Variants in CACNA2D1 observed in about 807,000 individuals in gnomAD.
CACNA2D1 encodes the protein calcium voltage-gated channel auxiliary subunit alpha2delta 1.
CACNA2D1 carries 53 observed loss-of-function variants against 171.5 expected under a neutral mutation model. The observed-to-expected ratio is 0.31, with a 90% CI of 0.25 to 0.39. The LOEUF is 0.39. CACNA2D1 is among the 10% of genes least tolerant of loss of function. CACNA2D1 has a pLI of 1.00. For missense variants in CACNA2D1, 903 were observed against 1,299.8 expected, an observed-to-expected ratio of 0.69 and a Z score of 4.69; for synonymous variants, 442 against 443.1, an observed-to-expected ratio of 1.00 and a Z score of 0.03.
At chr7:82,240,252 A>G (rs1438113308) in intron 3 of CACNA2D1, among the ~76,000 whole-genome samples, 1 of 152,106 alleles carries the variant, frequency 6.6e-6, no homozygotes, top group East Asian at 1.9e-4. Flanking sequence ...TAAAAATAAC[A>G]CTACTGAACT....
chr7:82,010,407 T>TTATA (rs1389768306), intron 15 of CACNA2D1, among the ~76,000 whole-genome samples: 1 of 151,772 alleles, frequency 6.6e-6, no homozygotes, highest in Non-Finnish European at 1.5e-5. Flanking sequence ...CAGTTTCAGC[T>TTATA]TATAGCACAG....
At chr7:82,096,373 C>T (rs1684731321) in intron 6 of CACNA2D1, among the ~76,000 whole-genome samples, 1 of 152,094 alleles carries the variant, frequency 6.6e-6, no homozygotes, top group Non-Finnish European at 1.5e-5. Context: ...ACTTCTAACA[C>T]TTTACTGGAA....
intron 1 of CACNA2D1, among the ~76,000 whole-genome samples, chr7:82,387,477 A>C (rs1411611384): frequency 6.6e-6 from 1 of 152,214 alleles, no homozygotes; most frequent in Non-Finnish European, 1.5e-5. Flanking sequence ...CTGCTTTTGC[A>C]CTGCCAAATT....
intron 3 of CACNA2D1, among the ~76,000 whole-genome samples, chr7:82,199,650 T>C (rs1426916917): frequency 2.0e-5 from 3 of 152,098 alleles, no homozygotes; most frequent in Non-Finnish European, 2.9e-5. Context: ...TTGAGTTTTC[T>C]TCTTTGGCAG....
intron 1 of CACNA2D1, 144 bp from the exon 2 acceptor site, chr7:82,349,793 C>T: frequency 2.8e-6 from 2 of 719,436 alleles, no homozygotes; most frequent in South Asian, 1.5e-5. Flanking sequence ...TATGTCCACC[C>T]TTCCACTCCA....
intron 1 of CACNA2D1, among the ~76,000 whole-genome samples, chr7:82,422,583 G>C (rs745759716): frequency 6.6e-5 from 10 of 152,072 alleles, no homozygotes; most frequent in Non-Finnish European, 1.5e-4. Context: ...GACCCCTCAA[G>C]AGAGTCTTGA....
intron 21 of CACNA2D1, among the ~76,000 whole-genome samples, chr7:81,990,409 A>G (rs943882901): frequency 6.6e-6 from 1 of 152,094 alleles, no homozygotes; most frequent in Non-Finnish European, 1.5e-5. Flanking sequence ...ACAGTGAACT[A>G]TGTGAATGTA....
At chr7:82,082,830 A>G (rs1809965568) in intron 7 of CACNA2D1, among the ~76,000 whole-genome samples, 1 of 152,198 alleles carries the variant, frequency 6.6e-6, no homozygotes, top group South Asian at 2.1e-4. Context: ...AAAATATATG[A>G]TTAGCATCAA....
chr7:82,438,550 C>T (rs1298891451), intron 1 of CACNA2D1, among the ~76,000 whole-genome samples: 3 of 152,110 alleles, frequency 2.0e-5, no homozygotes, highest in Non-Finnish European at 2.9e-5. Flanking sequence ...ACTACGCAAT[C>T]GTTTACATGT....
chr7:82,350,250 T>G (rs1385675283), intron 1 of CACNA2D1, among the ~76,000 whole-genome samples: 1 of 152,248 alleles, frequency 6.6e-6, no homozygotes, highest in Non-Finnish European at 1.5e-5. Flanking sequence ...TATTCCATTA[T>G]CTCTATATTC....
chr7:82,368,947 A>G (rs1822046625), intron 1 of CACNA2D1, among the ~76,000 whole-genome samples: 1 of 152,142 alleles, frequency 6.6e-6, no homozygotes, highest in Non-Finnish European at 1.5e-5. Context: ...AGTTTGAAAT[A>G]TTTTTAAGTA....
At chr7:82,001,763 G>A in intron 18 of CACNA2D1, 1 of 704,526 alleles carries the variant, frequency 1.4e-6, no homozygotes. Flanking sequence ...TGTCAACATA[G>A]GTACGGGTTC....
At position 82,167,439 on chromosome 7, in the gene CACNA2D1, G is replaced by A. The variant is rs193213170; in HGVS notation, c.354+3111C>T. 4.0e-3 allele frequency among the ~76,000 whole-genome samples: 608 copies of A among 151,480 alleles called. 4 individuals carry two copies. Among genetic ancestry groups the A allele is most frequent in the South Asian group, 0.018 (87 of 4,802 alleles). ...CACTAAAGCACCACCTAGTTTATTA[G>A]GAACAAAAAAAAAGCTGAGAGGAAT... is the stretch of plus-strand genomic sequence containing the variant. On this transcript the variant is annotated intron_variant, in intron 4 of 38. Coordinates refer to ENST00000356860, the MANE Select transcript of CACNA2D1 (RefSeq NM_000722.4).
At chr7:82,060,201 T>TATATATATAATACATATATATTA (rs747843223) in intron 10 of CACNA2D1, among the ~76,000 whole-genome samples, 2 of 10,418 alleles carry the variant, frequency 1.9e-4, no homozygotes, top group Non-Finnish European at 5.2e-4. Context: ...TATATATATA[T>TATATATATAATACATATATATTA]TATATATATA....
intron 32 of CACNA2D1, among the ~76,000 whole-genome samples, chr7:81,964,786 G>A (rs964828056): frequency 6.6e-6 from 1 of 151,846 alleles, no homozygotes; most frequent in Non-Finnish European, 1.5e-5. Context: ...TTTGATGAGA[G>A]TAGATTTTAA....
In CACNA2D1 at chr7:82,031,082, A is replaced by G. The variant is rs111974694; in HGVS notation, c.1143+1715T>C. 8.5e-3 allele frequency among the ~76,000 whole-genome samples: 1,286 copies of G among 151,990 alleles called. 19 individuals carry two copies. The highest frequency in any genetic ancestry group is 0.03 in the African/African-American group (1,229 of 41,506). ...GATCTGTGCTCTGGGCTGCATGCCT[A>G]AAGTTCACAGTTAAACAGGACACTG... On this transcript the variant is annotated intron_variant, in intron 12 of 38. Coordinates refer to ENST00000356860, the MANE Select transcript of CACNA2D1 (RefSeq NM_000722.4).
rs79492866 is a variant in CACNA2D1 at position 82,140,969 on chromosome 7, AG to A, written c.355-4294del. On this transcript the variant is annotated intron_variant, in intron 4 of 38. Coordinates refer to ENST00000356860, the MANE Select transcript of CACNA2D1 (RefSeq NM_000722.4). ...GACTCGTCTCTAAAAAAAAAAAAAA[AG>A]AAAAAAAAATTGCAATTATTCGTTT... Among the ~76,000 whole-genome samples, 73 of 82,856 alleles carry A rather than the reference AG, an allele frequency of 8.8e-4. 4 individuals are homozygous for A. The highest frequency in any genetic ancestry group is 1.8e-3 in the African/African-American group (53 of 29,946). 54.4% of individuals were successfully genotyped at this position (82,856 alleles called of 152,430 possible). A position where few individuals can be genotyped will look rare whatever the true frequency, so the allele number is the denominator to read the frequency against.
intron 24 of CACNA2D1, 131 bp downstream of exon 24, chr7:81,982,430 CAGTTTT>C (rs1449665418): frequency 3.0e-6 from 2 of 659,996 alleles, no homozygotes; most frequent in Non-Finnish European, 5.5e-6. Context: ...GATTTTGTTT[CAGTTTT>C]AAAGTAATTA....
At chr7:82,363,324 G>T (rs1821304614) in intron 1 of CACNA2D1, among the ~76,000 whole-genome samples, 1 of 136,414 alleles carries the variant, frequency 7.3e-6, no homozygotes, top group Non-Finnish European at 1.5e-5. Flanking sequence ...GAGTGCAGTG[G>T]CGCCATCTCT....
Sources: gnomAD v4.1 joint callset for allele counts (sites outside exome capture counted in the v4.1 genomes callset) on GRCh38, gnomAD v4.1.1 for gene constraint, MANE v1.5 for transcripts, NCBI Gene and HGNC (gene_info 2026-07-23, HGNC 2026-07-21) for gene names.